The following STK31 variants were observed in gnomAD, a reference collection of about 807,000 sequenced individuals.
STK31 encodes serine/threonine kinase 31.
A neutral mutation model predicts 129.7 loss-of-function variants in STK31; 89 were observed. The observed-to-expected ratio is 0.69, with a 90% CI of 0.58 to 0.82. The LOEUF is 0.82. Ranked by LOEUF, STK31 falls within the 40% of genes least tolerant of loss-of-function variation. The probability of loss-of-function intolerance (pLI) is 0.00; values close to 1 mark genes in which losing one functional copy is unlikely to be tolerated. For synonymous variants in STK31, 448 were observed against 395.3 expected (o/e 1.13, Z -1.58); for missense variants, 1,187 against 1,176.4 (o/e 1.01, Z -0.13).
intron 15 of STK31, 87 bp from the exon 16 acceptor site, chr7:23,781,332 A>G: frequency 2.1e-6 from 2 of 936,062 alleles, no homozygotes; most frequent in South Asian, 1.5e-5. Context: ...GAAACCACAC[A>G]GAGTAATTTA....
chr7:23,808,978 T>TGTGTGTGTGTGTGTGTGTGCGCGCGC (rs1792913812), intron 22 of STK31, among the ~76,000 whole-genome samples: 1 of 149,838 alleles, frequency 6.7e-6, no homozygotes, highest in Non-Finnish European at 1.5e-5. Context: ...TGTGCCTGTG[T>TGTGTGTGTGTGTGTGTGTGCGCGCGC]CTGTTGGCAT....
intron 8 of STK31, among the ~76,000 whole-genome samples, chr7:23,737,959 G>T (rs1446160567): frequency 6.6e-6 from 1 of 151,596 alleles, no homozygotes; most frequent in Non-Finnish European, 1.5e-5. Flanking sequence ...ACACCAACTG[G>T]GTGTCTAATA....
chr7:23,755,489 A>G (rs1291038506), intron 10 of STK31, among the ~76,000 whole-genome samples: 2 of 152,064 alleles, frequency 1.3e-5, no homozygotes, highest in African/African-American at 4.8e-5. Flanking sequence ...GCTGTGCAGA[A>G]GCTCTTTAGT....
At chr7:23,754,595 G>A (rs1357928264) in intron 10 of STK31, 121 bp downstream of exon 10, 26 of 1,076,046 alleles carry the variant, frequency 2.4e-5, no homozygotes, top group Non-Finnish European at 3.3e-5. Flanking sequence ...TTGTTACATA[G>A]GTATACATGC....
At chr7:23,808,968 T>TGTGTGTGTGTGTGTGTGTGTGTGTGC (rs1562621496) in intron 22 of STK31, among the ~76,000 whole-genome samples, 1 of 130,662 alleles carries the variant, frequency 7.7e-6, no homozygotes, top group East Asian at 2.3e-4. Flanking sequence ...TGTGTGTGTG[T>TGTGTGTGTGTGTGTGTGTGTGTGTGC]GTGCCTGTGT....
In STK31 at chr7:23,729,121, A is replaced by G. The variant is rs1202365673; in HGVS notation, c.355A>G (p.Thr119Ala). The G allele has an allele frequency of 6.2e-7, 1 of 1,610,392 alleles. No homozygotes were observed. The highest frequency in any genetic ancestry group is 1.3e-5 in the African/African-American group (1 of 74,750). ...GGTGAGGTACATTGACTATGGAAAT[A>G]CTGAAATTCTAAATCGATCTGATAT... ...CLVRYIDYGNTEILNRSDIVE... is the reference protein window; with the variant it reads ...CLVRYIDYGNAEILNRSDIVE... The change falls in exon 6 of 24, where the codon ACT becomes GCT. Residue 119 changes from threonine (T) to alanine (A), a missense_variant. Physicochemically the swap from Thr to Ala is moderately conservative, Grantham distance 58 (BLOSUM62 0). Around this residue, in one of 5 missense-constraint regions of STK31, gnomAD observed 103 missense variants for 110.4 expected, o/e 0.93. Transcript: ENST00000355870.
intron 3 of STK31, among the ~76,000 whole-genome samples, chr7:23,712,739 C>T (rs1227691487): frequency 2.0e-5 from 3 of 150,396 alleles, no homozygotes; most frequent in Non-Finnish European, 4.4e-5. Context: ...ATGAATGAAA[C>T]ATTTCTGATT....
intron 10 of STK31, among the ~76,000 whole-genome samples, chr7:23,756,949 T>C (rs1383629786): frequency 1.3e-5 from 2 of 152,170 alleles, no homozygotes; most frequent in African/African-American, 2.4e-5. Context: ...GCCTGAAGTT[T>C]TCTTTTTTTG....
chr7:23,730,147 A>G (rs758862499), intron 6 of STK31, among the ~76,000 whole-genome samples: 29 of 152,234 alleles, frequency 1.9e-4, no homozygotes, highest in Non-Finnish European at 1.9e-4. Flanking sequence ...TCTGTTATAC[A>G]AAGATGATTC....
At chr7:23,746,485 A>G (rs1788362938) in intron 8 of STK31, among the ~76,000 whole-genome samples, 1 of 152,128 alleles carries the variant, frequency 6.6e-6, no homozygotes, top group South Asian at 2.1e-4. Flanking sequence ...GTGATTATCT[A>G]CTTGCTATTT....
chr7:23,827,569 A>G (rs779625659), intron 23 of STK31, among the ~76,000 whole-genome samples: 1 of 151,470 alleles, frequency 6.6e-6, no homozygotes, highest in African/African-American at 2.4e-5. Context: ...GAGTAGTTTG[A>G]TCTTCTGAAG....
intron 23 of STK31, among the ~76,000 whole-genome samples, chr7:23,827,838 T>C (rs1794269456): frequency 6.6e-6 from 1 of 152,224 alleles, no homozygotes; most frequent in African/African-American, 2.4e-5. Flanking sequence ...TGCAGGTCTG[T>C]TGTAGTTTAC....
chr7:23,812,225 T>A (rs1332249615), intron 22 of STK31, among the ~76,000 whole-genome samples: 1 of 152,092 alleles, frequency 6.6e-6, no homozygotes, highest in Non-Finnish European at 1.5e-5. Flanking sequence ...GAATTTGTGG[T>A]GGTTGAGAGT....
chr7:23,780,354 A>G (rs1790842681), intron 15 of STK31, among the ~76,000 whole-genome samples: 2 of 152,196 alleles, frequency 1.3e-5, no homozygotes, highest in African/African-American at 2.4e-5. Context: ...GCAGGTATCA[A>G]TCAATTTAGA....
At chr7:23,747,406 G>A (rs1788424610) in intron 8 of STK31, among the ~76,000 whole-genome samples, 1 of 151,750 alleles carries the variant, frequency 6.6e-6, no homozygotes, top group South Asian at 2.1e-4. Flanking sequence ...GTCTCACTCT[G>A]TTGCCCAGGC....
chr7:23,797,142 T>A (rs1330349775), intron 22 of STK31, among the ~76,000 whole-genome samples: 1 of 152,134 alleles, frequency 6.6e-6, no homozygotes, highest in Non-Finnish European at 1.5e-5. Flanking sequence ...ACAAAGAGAC[T>A]TAGACTCCCA....
intron 3 of STK31, among the ~76,000 whole-genome samples, chr7:23,714,483 A>G (rs1301264579): frequency 6.6e-6 from 1 of 152,268 alleles, no homozygotes; most frequent in Non-Finnish European, 1.5e-5. Flanking sequence ...GCCACATTGA[A>G]GAAACTAAAA....
intron 23 of STK31, among the ~76,000 whole-genome samples, chr7:23,827,886 G>T (rs1366034934): frequency 2.0e-5 from 3 of 152,208 alleles, no homozygotes; most frequent in Non-Finnish European, 4.4e-5. Flanking sequence ...CTAGGTATCA[G>T]CAGTGGTGGC....
At chr7:23,710,400 T>G in intron 1 of STK31, 65 bp downstream of exon 1, 1 of 1,610,842 alleles carries the variant, frequency 6.2e-7, no homozygotes, top group Non-Finnish European at 8.5e-7. Context: ...CGTCGCTGCT[T>G]GCGTTTTAAG....
Sources: allele counts gnomAD v4.1 joint callset (sites outside exome capture counted in the v4.1 genomes callset), GRCh38; gene constraint gnomAD v4.1.1; regional missense constraint gnomAD v4.1.1; transcripts MANE v1.5; gene names NCBI Gene and HGNC (gene_info 2026-07-23, HGNC 2026-07-21).